The following TMEM114 variants were observed in gnomAD, a reference collection of about 807,000 sequenced individuals.
The protein encoded by TMEM114 is transmembrane protein 114, also known as claudin-26.
Under a neutral mutation model 6.2 loss-of-function variants are expected in TMEM114, and 6 were observed. The observed-to-expected ratio is 0.97, with a 90% confidence interval of 0.53 to 1.91. The LOEUF (loss-of-function observed/expected upper bound fraction) is 1.91, where lower values mean the gene tolerates loss of function less well. TMEM114 is among the 40% of genes most tolerant of loss of function. The pLI, the probability that TMEM114 is intolerant of heterozygous loss-of-function variation, is 0.01. For missense variants in TMEM114, 218 were observed against 158.3 expected, an observed-to-expected ratio of 1.38 and a Z score of -2.02; for synonymous variants, 104 against 73.0, an observed-to-expected ratio of 1.42 and a Z score of -2.16.
intron 2 of TMEM114, among the ~76,000 whole-genome samples, chr16:8,556,672 T>C (rs1325963134): frequency 6.6e-6 from 1 of 152,020 alleles, no homozygotes; most frequent in East Asian, 1.9e-4. Context: ...TGGCTAATTT[T>C]TTGTATTTTT....
chr16:8,556,697 T>A (rs922867195), intron 2 of TMEM114, among the ~76,000 whole-genome samples: 3 of 152,132 alleles, frequency 2.0e-5, no homozygotes, highest in African/African-American at 7.2e-5. Flanking sequence ...GAGATGGGGT[T>A]TCACCATGTT....
chr16:8,532,921 C>T (rs1211598468), downstream of TMEM114, among the ~76,000 whole-genome samples: 1 of 151,902 alleles, frequency 6.6e-6, no homozygotes, highest in Non-Finnish European at 1.5e-5. Flanking sequence ...AAGATTCCAT[C>T]TCAAAAAAAG....
chr16:8,585,044 G>A (rs576074744), intron 2 of TMEM114, among the ~76,000 whole-genome samples: 2 of 152,222 alleles, frequency 1.3e-5, no homozygotes, highest in South Asian at 2.1e-4. Context: ...CACATGGCTG[G>A]GGAGGCCTCA....
At chr16:8,575,917 C>G (rs973039469) in intron 2 of TMEM114, among the ~76,000 whole-genome samples, 1 of 152,178 alleles carries the variant, frequency 6.6e-6, no homozygotes, top group Admixed American at 6.6e-5. Flanking sequence ...AGACCTGATT[C>G]CCATTCATCA....
chr16:8,534,505 C>T (rs886888302), downstream of TMEM114, among the ~76,000 whole-genome samples: 2 of 152,186 alleles, frequency 1.3e-5, no homozygotes, highest in Admixed American at 1.3e-4. Flanking sequence ...CTCCAATGCA[C>T]CTACATCCGT....
intron 2 of TMEM114, among the ~76,000 whole-genome samples, chr16:8,584,922 CAAAAAAAAAAA>C (rs905674847): frequency 2.0e-5 from 1 of 49,206 alleles, no homozygotes; most frequent in African/African-American, 7.0e-5. Context: ...AACGCCGTCT[CAAAAAAAAAAA>C]AAAAAAAAAG....
At chr16:8,532,699 C>T (rs71377114), downstream of TMEM114, among the ~76,000 whole-genome samples, 18,502 of 152,052 alleles carry the variant, frequency 0.12, 1,347 homozygotes, top group Middle Eastern at 0.21. Context: ...CCGAGGCGGG[C>T]GACTCACGAG....
intron 2 of TMEM114, among the ~76,000 whole-genome samples, chr16:8,553,868 T>A (rs1377569478): frequency 2.6e-5 from 4 of 151,480 alleles, no homozygotes; most frequent in African/African-American, 4.9e-5. Flanking sequence ...GCTGCTAATT[T>A]TTTCCTTTTC....
At chr16:8,543,499 C>T (rs1277164327) in intron 2 of TMEM114, among the ~76,000 whole-genome samples, 2 of 151,438 alleles carry the variant, frequency 1.3e-5, no homozygotes, top group Non-Finnish European at 2.9e-5. Context: ...CACCATGCTT[C>T]ATTCCTCCAA....
At chr16:8,528,246 G>A in the TMEM114 span, among the ~76,000 whole-genome samples, 3,575 of 32,954 alleles carry the variant, frequency 0.11, 94 homozygotes, top group African/African-American at 0.25. Flanking sequence ...CCCAAAATGC[G>A]CACACACACA....
chr16:8,571,068 C>G (rs1236252014), intron 3 of TMEM114, among the ~76,000 whole-genome samples: 2 of 151,048 alleles, frequency 1.3e-5, no homozygotes, highest in Admixed American at 6.6e-5. Flanking sequence ...CCAGACATCC[C>G]TTTTGTTTTT....
intron 2 of TMEM114, among the ~76,000 whole-genome samples, chr16:8,556,159 CAAG>C (rs1901003160): frequency 6.6e-6 from 1 of 152,166 alleles, no homozygotes; most frequent in East Asian, 1.9e-4. Context: ...TCGTAAATGC[CAAG>C]TCTGAATTCT....
chr16:8,541,886 A>G lies in TMEM114; in HGVS notation n.213-4060T>C, dbSNP rs111659971. ...TGAGGATCAAAGGGGTCTGGCTTAC[A>G]AAGACGTAGCACAGGCTCCAATTCC... On this transcript the variant is annotated intron_variant and non_coding_transcript_variant, in intron 2 of 2. Transcript: ENST00000623677. Among the ~76,000 whole-genome samples the G allele has an allele frequency of 2.0e-3, 311 of 152,264 alleles. 4 individuals carry two copies. Among genetic ancestry groups the G allele is most frequent in the African/African-American group, 7.1e-3 (295 of 41,534 alleles).
downstream of TMEM114, among the ~76,000 whole-genome samples, chr16:8,567,981 T>C (rs1901602362): frequency 6.6e-6 from 1 of 152,176 alleles, no homozygotes; most frequent in Non-Finnish European, 1.5e-5. Context: ...GACAGGGACG[T>C]CGCAGCAACG....
chr16:8,527,520 C>A, the TMEM114 span, among the ~76,000 whole-genome samples: 3 of 147,920 alleles, frequency 2.0e-5, no homozygotes, highest in South Asian at 6.6e-4. Flanking sequence ...AACACCCAAG[C>A]AAGATTTCTA....
chr16:8,561,388 T>C (rs1024355776), intron 2 of TMEM114, among the ~76,000 whole-genome samples: 1 of 152,238 alleles, frequency 6.6e-6, no homozygotes, highest in Non-Finnish European at 1.5e-5. Context: ...TTTACAGAAC[T>C]TCTTACCAGG....
the TMEM114 span, among the ~76,000 whole-genome samples, chr16:8,530,793 T>C: frequency 6.6e-6 from 1 of 151,582 alleles, no homozygotes; most frequent in East Asian, 1.9e-4. Flanking sequence ...GGAGGCCGAG[T>C]CAGATGAATT....
At chr16:8,537,597 T>C (rs1194147613), downstream of TMEM114, 2 of 152,232 alleles carry the variant, frequency 1.3e-5, no homozygotes, top group Non-Finnish European at 2.9e-5. Flanking sequence ...TAATAAACAT[T>C]CTTCCCAATT....
chr16:8,541,820 G>A (rs59855287), intron 2 of TMEM114, among the ~76,000 whole-genome samples: 11,335 of 152,190 alleles, frequency 0.074, 503 homozygotes, highest in Middle Eastern at 0.16. Flanking sequence ...TGGGAACTGG[G>A]AAGATTCTAG....
Sources: allele counts gnomAD v4.1 joint callset (sites outside exome capture counted in the v4.1 genomes callset), GRCh38; gene constraint gnomAD v4.1.1; transcripts MANE v1.5; gene names NCBI Gene and HGNC (gene_info 2026-07-23, HGNC 2026-07-21).